NALF1: variants seen among roughly 807,000 people sequenced by gnomAD.
The protein encoded by NALF1 is NALCN channel auxiliary factor 1.
In NALF1, 3 loss-of-function variants were observed where a neutral mutation model predicts 48.4. The ratio of observed to expected loss-of-function variants is 0.06; its 90% CI spans 0.03 to 0.16. The LOEUF is 0.16. Ranked by LOEUF, NALF1 falls within the 10% of genes least tolerant of loss-of-function variation. The probability of loss-of-function intolerance (pLI) is 1.00; values close to 1 mark genes in which losing one functional copy is unlikely to be tolerated. For missense variants in NALF1, 526 were observed against 571.5 expected, an observed-to-expected ratio of 0.92 and a Z score of 0.81; for synonymous variants, 262 against 245.7, an observed-to-expected ratio of 1.07 and a Z score of -0.62.
chr13:107,565,712 G>C (rs1414480998), intron 1 of NALF1, among the ~76,000 whole-genome samples: 5 of 152,154 alleles, frequency 3.3e-5, no homozygotes, highest in Non-Finnish European at 1.5e-5. Flanking sequence ...ACATACATGT[G>C]TGTATGAGTG....
At chr13:107,366,688 G>A (rs1019670385) in intron 1 of NALF1, among the ~76,000 whole-genome samples, 3 of 152,188 alleles carry the variant, frequency 2.0e-5, no homozygotes, top group African/African-American at 7.2e-5. Context: ...CAGTGGCTAA[G>A]CAATACAGAA....
chr13:107,193,359 T>G (rs1879321895), intron 2 of NALF1, among the ~76,000 whole-genome samples: 1 of 152,162 alleles, frequency 6.6e-6, no homozygotes, highest in Non-Finnish European at 1.5e-5. Context: ...GTGTTAAACA[T>G]GCGGATGGTT....
At chr13:107,572,997 G>A (rs1301201340) in intron 1 of NALF1, among the ~76,000 whole-genome samples, 2 of 152,086 alleles carry the variant, frequency 1.3e-5, no homozygotes, top group East Asian at 3.9e-4. Flanking sequence ...AAATTGTCAT[G>A]AGCCTTGCTC....
Position 107,630,705 on chromosome 13 carries a change from C to T in NALF1, c.915+234977G>A, listed in dbSNP as rs1362561669. Among the ~76,000 whole-genome samples the T allele has an allele frequency of 2.6e-5, 4 of 151,584 alleles. No homozygotes were observed. The East Asian group carries it at 5.9e-4, about 22-fold the overall frequency. ...TCTAAATCTGGCATAAAAAGGCAGC[C>T]GTTTGAAGACAAAAAGGAGTTCTGA... On this transcript the variant is annotated intron_variant, in intron 1 of 2. Coordinates refer to ENST00000375915, the MANE Select transcript of NALF1 (RefSeq NM_001080396.3).
intron 1 of NALF1, among the ~76,000 whole-genome samples, chr13:107,771,519 GTATAATA>G (rs922146901): frequency 1.3e-5 from 2 of 148,740 alleles, no homozygotes; most frequent in African/African-American, 4.9e-5. Context: ...ATGTAATATA[GTATAATA>G]TATAATATAT....
chr13:107,203,892 A>G (rs1333803630), intron 2 of NALF1, among the ~76,000 whole-genome samples: 1 of 152,086 alleles, frequency 6.6e-6, no homozygotes, highest in Non-Finnish European at 1.5e-5. Context: ...GAGGTGAGCA[A>G]GCTCATGCAG....
At chr13:107,555,861 T>G (rs1877456980) in intron 1 of NALF1, among the ~76,000 whole-genome samples, 1 of 152,100 alleles carries the variant, frequency 6.6e-6, no homozygotes, top group African/African-American at 2.4e-5. Context: ...GCTTATATGG[T>G]TATATAAAAA....
At chr13:107,851,354 TTC>T (rs201542418) in intron 1 of NALF1, among the ~76,000 whole-genome samples, 1 of 151,606 alleles carries the variant, frequency 6.6e-6, no homozygotes, top group Admixed American at 6.6e-5. Flanking sequence ...TTTTTTTTTT[TTC>T]TTTAAGTGGC....
chr13:107,420,337 T>C (rs569562322), intron 1 of NALF1, among the ~76,000 whole-genome samples: 1 of 152,344 alleles, frequency 6.6e-6, no homozygotes, highest in Admixed American at 6.5e-5. Flanking sequence ...GCTAACGTGA[T>C]ATTATAAATA....
intron 1 of NALF1, among the ~76,000 whole-genome samples, chr13:107,521,962 G>T (rs765963503): frequency 9.4e-5 from 14 of 149,176 alleles, no homozygotes; most frequent in Admixed American, 5.3e-4. Context: ...CACACACACA[G>T]AAACACACAC....
chr13:107,864,775 T>TG (rs2138653014), intron 1 of NALF1, among the ~76,000 whole-genome samples: 1 of 152,324 alleles, frequency 6.6e-6, no homozygotes, highest in Non-Finnish European at 1.5e-5. Context: ...CGCCTATTGT[T>TG]GCATTTGCAT....
chr13:107,222,360 C>T (rs1880012399), intron 1 of NALF1, among the ~76,000 whole-genome samples: 1 of 152,046 alleles, frequency 6.6e-6, no homozygotes, highest in Admixed American at 6.6e-5. Context: ...AGTAGTTATT[C>T]CACCCATTTA....
rs554430407 is a variant in NALF1 at position 107,357,133 on chromosome 13, C to T, written c.916-146378G>A. On this transcript the variant is annotated intron_variant, in intron 1 of 2. Transcript: ENST00000375915. ...TTTTACACTGCTATAAACAAATACC[C>T]GAGACTGGGTAATTTACAAAGGAAA... 1.1e-4 allele frequency among the ~76,000 whole-genome samples: 16 copies of T among 152,138 alleles called. No individual in the cohort carries two copies. The South Asian group carries it at 1.7e-3, about 16-fold the overall frequency.
chr13:107,489,075 A>C (rs1327473670), intron 1 of NALF1, among the ~76,000 whole-genome samples: 2 of 152,150 alleles, frequency 1.3e-5, no homozygotes, highest in African/African-American at 4.8e-5. Flanking sequence ...GGAAGGTTTA[A>C]GATCTCTCCA....
intron 1 of NALF1, among the ~76,000 whole-genome samples, chr13:107,417,575 C>T (rs1381866655): frequency 6.6e-6 from 1 of 152,140 alleles, no homozygotes; most frequent in Admixed American, 6.5e-5. Flanking sequence ...TAGACTGTAA[C>T]ATCTACTGGG....
At chr13:107,678,414 A>G (rs550066351) in intron 1 of NALF1, among the ~76,000 whole-genome samples, 4 of 152,296 alleles carry the variant, frequency 2.6e-5, no homozygotes, top group Admixed American at 2.6e-4. Context: ...GCAAAATGCC[A>G]TCGTTACCCA....
At chr13:107,743,366 C>T (rs546915648) in intron 1 of NALF1, among the ~76,000 whole-genome samples, 1 of 152,252 alleles carries the variant, frequency 6.6e-6, no homozygotes, top group East Asian at 1.9e-4. Flanking sequence ...TGACAAGAAA[C>T]TTACTTTCTG....
At chr13:107,468,940 A>G (rs1334507920) in intron 1 of NALF1, among the ~76,000 whole-genome samples, 1 of 152,192 alleles carries the variant, frequency 6.6e-6, no homozygotes, top group African/African-American at 2.4e-5. Flanking sequence ...TAATAAAGAT[A>G]CAACAGCATG....
chr13:107,778,774 C>T (rs974616258), intron 1 of NALF1, among the ~76,000 whole-genome samples: 19 of 152,212 alleles, frequency 1.2e-4, no homozygotes, highest in Admixed American at 4.6e-4. Context: ...CTTCCCTCCC[C>T]ACTCATTCAT....
Sources: gnomAD v4.1 joint callset for allele counts (sites outside exome capture counted in the v4.1 genomes callset) on GRCh38, gnomAD v4.1.1 for gene constraint, MANE v1.5 for transcripts, NCBI Gene and HGNC (gene_info 2026-07-23, HGNC 2026-07-21) for gene names.